The following MKLN1 variants were observed in gnomAD, a reference collection of about 807,000 sequenced individuals.
MKLN1 encodes muskelin 1, also known as muskelin.
Under a neutral mutation model 99.0 loss-of-function variants are expected in MKLN1, and 18 were observed. That is an observed-to-expected ratio of 0.18 (90% CI 0.13 to 0.27). The LOEUF (loss-of-function observed/expected upper bound fraction) is 0.27, where lower values mean the gene tolerates loss of function less well. MKLN1 is among the 10% of genes least tolerant of loss of function. The pLI is 1.00. For synonymous variants in MKLN1, 288 were observed against 293.2 expected (o/e 0.98, Z 0.18); for missense variants, 621 against 875.9 (o/e 0.71, Z 3.67).
intron 3 of MKLN1, among the ~76,000 whole-genome samples, chr7:131,321,545 C>T (rs1305105608): frequency 6.6e-6 from 1 of 152,054 alleles, no homozygotes; most frequent in African/African-American, 2.4e-5. Context: ...ATGTAACAAA[C>T]CTGTACATTC....
At chr7:131,403,870 TGAGA>T (rs371626957) in intron 6 of MKLN1, among the ~76,000 whole-genome samples, 152 of 152,210 alleles carry the variant, frequency 1.0e-3, no homozygotes, top group African/African-American at 3.5e-3. Flanking sequence ...ATTACTGAAA[TGAGA>T]GAGAGACACA....
intron 3 of MKLN1, among the ~76,000 whole-genome samples, chr7:131,260,444 T>G (rs2116534848): frequency 6.6e-6 from 1 of 152,110 alleles, no homozygotes; most frequent in East Asian, 1.9e-4. Context: ...ACAATGAGAA[T>G]TATAAAACAC....
chr7:131,253,441 A>G (rs1797612004), intron 3 of MKLN1, among the ~76,000 whole-genome samples: 1 of 152,166 alleles, frequency 6.6e-6, no homozygotes, highest in South Asian at 2.1e-4. Flanking sequence ...CCATTCCTCC[A>G]ACAAGCCCCT....
chr7:131,253,274 G>C (rs1797609559), intron 3 of MKLN1, among the ~76,000 whole-genome samples: 1 of 152,092 alleles, frequency 6.6e-6, no homozygotes, highest in Non-Finnish European at 1.5e-5. Flanking sequence ...CCAATCTGAG[G>C]GGGTGTTGGA....
intron 9 of MKLN1, among the ~76,000 whole-genome samples, chr7:131,436,167 T>G (rs994380923): frequency 3.3e-5 from 5 of 152,218 alleles, no homozygotes; most frequent in Non-Finnish European, 7.4e-5. Context: ...GTGTGAATAT[T>G]AAAGTGTACA....
chr7:131,135,461 G>A (rs1191016764), intron 1 of MKLN1, among the ~76,000 whole-genome samples: 2 of 152,192 alleles, frequency 1.3e-5, no homozygotes, highest in Non-Finnish European at 2.9e-5. Context: ...ACGCATCAGA[G>A]TGAGAAATAT....
rs573348977 is a variant in MKLN1, at chr7:131,464,337, A to G, written c.1717A>G (p.Thr573Ala). The change falls in exon 14 of 18, where the codon ACT becomes GCT. Residue 573 changes from threonine (T) to alanine (A), a missense_variant. This residue lies in a region of MKLN1 where 30 missense variants were observed against 29.3 expected (regional missense o/e 1.02). Transcript: ENST00000352689. ...TGATCAAGCTGCAAAGGATAATCCA[A>G]CTAAAAGTCTTCAGGAAGAAGAACC... ...KNDQAAKDNP[T>A]KSLQEEEPCP... The G allele has an allele frequency of 1.1e-5, 17 of 1,613,748 alleles. No individual in the cohort carries two copies. Among genetic ancestry groups the G allele is most frequent in the African/African-American group, 8.0e-5 (6 of 75,042 alleles).
chr7:131,245,248 C>G (rs1797468246), intron 3 of MKLN1, among the ~76,000 whole-genome samples: 1 of 151,738 alleles, frequency 6.6e-6, no homozygotes, highest in African/African-American at 2.4e-5. Flanking sequence ...AATGGTGATC[C>G]CATAAGATTA....
At chr7:131,238,620 G>C (rs1797358700) in intron 3 of MKLN1, among the ~76,000 whole-genome samples, 1 of 152,230 alleles carries the variant, frequency 6.6e-6, no homozygotes, top group African/African-American at 2.4e-5. Flanking sequence ...AACACTAGCT[G>C]CTGTAATAAT....
intron 7 of MKLN1, among the ~76,000 whole-genome samples, chr7:131,413,367 T>C (rs893933537): frequency 2.0e-5 from 3 of 152,184 alleles, no homozygotes; most frequent in Non-Finnish European, 2.9e-5. Context: ...AAAATTAGTA[T>C]AAAATTGGAT....
At chr7:131,293,228 C>G (rs749286298) in intron 3 of MKLN1, among the ~76,000 whole-genome samples, 1 of 152,164 alleles carries the variant, frequency 6.6e-6, no homozygotes, top group Non-Finnish European at 1.5e-5. Flanking sequence ...CTGAGATCAT[C>G]CCAGACTGAC....
chr7:131,417,547 C>T lies in MKLN1; in HGVS notation c.847+2837C>T, dbSNP rs576457967. Among the ~76,000 whole-genome samples, 7 of 152,282 alleles carry T rather than the reference C, an allele frequency of 4.6e-5. No individual in the cohort carries two copies. In the East Asian group the frequency reaches 7.7e-4, roughly 17 times the overall value. ...TAGTGTGGAAACAGTACTAACTATA[C>T]GTGGACATTGAGGTCGAAAGGATTT... is the stretch of plus-strand genomic sequence containing the variant. On this transcript the variant is annotated intron_variant, in intron 8 of 17. Coordinates refer to ENST00000352689, the MANE Select transcript of MKLN1 (RefSeq NM_013255.5).
Position 131,348,098 on chromosome 7 carries a change from CT to C in MKLN1, c.98+20102del, listed in dbSNP as rs1781065508. ...AATAAACTTGATTTCAGTTATATCA[CT>C]AAACTGCTCATGTTCCATATATTAT... On this transcript the variant is annotated intron_variant, in intron 1 of 17. Transcript: ENST00000352689. Among the ~76,000 whole-genome samples, 5 of 152,262 alleles carry C rather than the reference CT, an allele frequency of 3.3e-5. No homozygotes were observed. The South Asian group carries it at 1.0e-3, about 32-fold the overall frequency.
Position 131,320,104 on chromosome 7 carries a change from A to G in MKLN1, c.-178-55320A>G, listed in dbSNP as rs546375772. 1.4e-3 allele frequency among the ~76,000 whole-genome samples: 216 copies of G among 152,338 alleles called. 1 individual carries two copies. The highest frequency in any genetic ancestry group is 4.8e-3 in the African/African-American group (198 of 41,570). On this transcript the variant is annotated intron_variant, in intron 3 of 7. Coordinates refer to the MKLN1 transcript ENST00000416992. ...TTTAAATTTAATATGGAACCAAGAA[A>G]GAGCCTGCATAGCCAAGACAATCAT... is the stretch of plus-strand genomic sequence containing the variant.
intron 1 of MKLN1, among the ~76,000 whole-genome samples, chr7:131,133,339 TTC>T (rs1491468230): frequency 8.0e-5 from 11 of 137,106 alleles, no homozygotes; most frequent in Non-Finnish European, 1.1e-4. Flanking sequence ...AATTTTTTTT[TTC>T]TTTCTTTCTT....
intron 2 of MKLN1, among the ~76,000 whole-genome samples, chr7:131,200,321 C>T (rs1388149787): frequency 6.6e-6 from 1 of 152,182 alleles, no homozygotes; most frequent in Non-Finnish European, 1.5e-5. Context: ...CCTAAACAAA[C>T]TTCATTAAAC....
intron 2 of MKLN1, among the ~76,000 whole-genome samples, chr7:131,190,897 G>T (rs766811147): frequency 6.6e-6 from 1 of 152,190 alleles, no homozygotes; most frequent in Non-Finnish European, 1.5e-5. Flanking sequence ...ACTCAGGCAG[G>T]TCTGTTAGAC....
chr7:131,472,584 T>TG (rs1017163565), intron 16 of MKLN1, among the ~76,000 whole-genome samples: 2 of 110,772 alleles, frequency 1.8e-5, no homozygotes, highest in African/African-American at 7.1e-5. Context: ...AAAGAAATGT[T>TG]GAAGTGTGTA....
At chr7:131,480,042 T>A (rs66511718) in intron 17 of MKLN1, among the ~76,000 whole-genome samples, 41,646 of 135,574 alleles carry the variant, frequency 0.31, 7,529 homozygotes, top group East Asian at 0.5. Context: ...AAAAAAAAAA[T>A]ACCAAGACTG....
Sources: allele counts gnomAD v4.1 joint callset (sites outside exome capture counted in the v4.1 genomes callset), GRCh38; gene constraint gnomAD v4.1.1; regional missense constraint gnomAD v4.1.1; transcripts MANE v1.5; gene names NCBI Gene and HGNC (gene_info 2026-07-23, HGNC 2026-07-21).